The following IGSF3 variants were observed in gnomAD, a reference collection of about 807,000 sequenced individuals.
IGSF3 encodes the protein glu-Trp-Ile EWI motif-containing protein 3.
In IGSF3, 23 loss-of-function variants were observed where a neutral mutation model predicts 114.4. The ratio of observed to expected loss-of-function variants is 0.20; its 90% CI spans 0.14 to 0.28. IGSF3 has a LOEUF of 0.28. Ranked by LOEUF, IGSF3 falls within the 10% of genes least tolerant of loss-of-function variation. IGSF3 has a pLI of 1.00. For missense variants in IGSF3, 1,172 were observed against 1,591.5 expected (o/e 0.74, Z 4.48); for synonymous variants, 571 against 645.2 (o/e 0.88, Z 1.74).
chr1:116,599,844 G>C, intron 7 of IGSF3, 97 bp downstream of exon 7: 1 of 1,061,824 alleles, frequency 9.4e-7, no homozygotes, highest in South Asian at 1.6e-5. Context: ...GCTGGGAAAG[G>C]GGGAAGTGAC....
Position 116,579,967 on chromosome 1 carries a change from G to A in IGSF3, c.2849-90C>T. ...AATGTCCATCATTAAACACATGATA[G>A]TAACATCCATACTATAAGATATTAT... is the stretch of plus-strand genomic sequence containing the variant. On this transcript the variant is annotated intron_variant, in intron 9 of 10. Transcript: ENST00000369486. This position sits in a 1 kb window ranked among gnomAD's most constrained non-coding sequence, Gnocchi z 6.4. 1.8e-6 allele frequency: 2 copies of A among 1,138,250 alleles called. No homozygotes were observed. The highest frequency in any genetic ancestry group is 5.1e-5 in the East Asian group (2 of 39,574). The allele number at this position is 1,138,250 out of a possible 1,614,324, so 70.5% of individuals were successfully genotyped here. A position where few individuals can be genotyped will look rare whatever the true frequency, so the allele number is the denominator to read the frequency against.
At chr1:116,606,874 A>T (rs1336326602) in intron 5 of IGSF3, among the ~76,000 whole-genome samples, 6 of 152,238 alleles carry the variant, frequency 3.9e-5, no homozygotes, top group Non-Finnish European at 8.8e-5. Flanking sequence ...GAATTTCAAG[A>T]TAATTAGGTA....
At chr1:116,608,405 A>C in intron 4 of IGSF3, 74 bp from the exon 5 acceptor site, 1 of 979,582 alleles carries the variant, frequency 1.0e-6, no homozygotes, top group Non-Finnish European at 1.5e-6. Flanking sequence ...ACATTAGCAC[A>C]TTCCCACTAT....
At position 116,613,761 on chromosome 1, in the gene IGSF3, T is replaced by C; in HGVS notation, c.832+4A>G. The C allele has an allele frequency of 1.2e-6, 2 of 1,612,238 alleles. No homozygotes were observed. Among genetic ancestry groups the C allele is most frequent in the Non-Finnish European group, 1.7e-6 (2 of 1,178,410 alleles). ...GACAGGACAAGAGGCTCAGAGGGAC[T>C]GACCAGTTGGCTGGACGTTGACCAC... is the stretch of plus-strand genomic sequence containing the variant. On this transcript the variant is annotated splice_donor_region_variant and intron_variant, in intron 4 of 10. Coordinates refer to ENST00000369486, the MANE Select transcript of IGSF3 (RefSeq NM_001007237.3).
At position 116,659,181 on chromosome 1, in the gene IGSF3, C is replaced by T. The variant is rs370741973; in HGVS notation, c.43+7103G>A. Reference sequence around the variant, plus strand: ...TATAATTATAGATGCGGAAGACATACAGACTGGGCTGACGACTGCTTGGAA... The same window carrying T: ...TATAATTATAGATGCGGAAGACATATAGACTGGGCTGACGACTGCTTGGAA... On this transcript the variant is annotated intron_variant, in intron 2 of 10. Coordinates refer to ENST00000369486, the MANE Select transcript of IGSF3 (RefSeq NM_001007237.3). Among the ~76,000 whole-genome samples, 729 of 152,196 alleles carry T rather than the reference C, an allele frequency of 4.8e-3. 14 individuals are homozygous for T. The highest frequency in any genetic ancestry group is 2.8e-3 in the Non-Finnish European group (193 of 68,010).
Position 116,638,247 on chromosome 1 carries a change from C to G in IGSF3, c.44-21790G>C, listed in dbSNP as rs1192769858. Among the ~76,000 whole-genome samples, 1 of 152,202 alleles carries G rather than the reference C, an allele frequency of 6.6e-6. No individual in the cohort carries two copies. Among genetic ancestry groups the G allele is most frequent in the Non-Finnish European group, 1.5e-5 (1 of 68,042 alleles). On this transcript the variant is annotated intron_variant, in intron 2 of 10. Transcript: ENST00000369486. This position sits in a 1 kb window ranked among gnomAD's most constrained non-coding sequence, Gnocchi z 4.1. ...GCCAGGGACTCCTGCTCCTCTCTCC[C>G]TAGTCTCTCCTGTGTCACTGCCACT...
intron 2 of IGSF3, among the ~76,000 whole-genome samples, chr1:116,659,644 G>A (rs561852242): frequency 6.6e-6 from 1 of 151,960 alleles, no homozygotes; most frequent in Non-Finnish European, 1.5e-5. Flanking sequence ...GTGTGTGTGA[G>A]ATGGGGGCCA....
At chr1:116,626,290 A>C (rs1246663577) in intron 2 of IGSF3, among the ~76,000 whole-genome samples, 3 of 152,044 alleles carry the variant, frequency 2.0e-5, no homozygotes, top group African/African-American at 7.2e-5. Context: ...ATATGTAACC[A>C]CTGAAAAATA....
Position 116,662,002 on chromosome 1 carries a change from A to G in IGSF3, c.43+4282T>C, listed in dbSNP as rs1649138063. Among the ~76,000 whole-genome samples the G allele has an allele frequency of 6.6e-6, 1 of 151,946 alleles. No homozygotes were observed. The highest frequency in any genetic ancestry group is 1.5e-5 in the Non-Finnish European group (1 of 68,016). ...CCATGAAGTCATCTTGGGAATAGAG[A>G]GCATGCACATGGAGCAAGACAGCAG... On this transcript the variant is annotated intron_variant, in intron 2 of 10. Coordinates refer to ENST00000369486, the MANE Select transcript of IGSF3 (RefSeq NM_001007237.3). This position sits in a 1 kb window ranked among gnomAD's most constrained non-coding sequence, Gnocchi z 4.3.
chr1:116,658,574 C>A (rs983832036), intron 2 of IGSF3, among the ~76,000 whole-genome samples: 6 of 152,122 alleles, frequency 3.9e-5, no homozygotes, highest in African/African-American at 1.4e-4. Context: ...AAATCTACAC[C>A]CTTAGGGTTC....
intron 2 of IGSF3, among the ~76,000 whole-genome samples, chr1:116,641,114 A>G (rs1425918489): frequency 2.6e-5 from 4 of 152,314 alleles, no homozygotes; most frequent in South Asian, 4.1e-4. Context: ...ACATGAGCTG[A>G]TAATTGTTGG....
In IGSF3 at chr1:116,589,671, C is replaced by T. The variant is rs537980013; in HGVS notation, c.2030-567G>A. Among the ~76,000 whole-genome samples, 9 of 152,228 alleles carry T rather than the reference C, an allele frequency of 5.9e-5. No individual in the cohort carries two copies. Among genetic ancestry groups the T allele is most frequent in the East Asian group, 1.9e-4 (1 of 5,160 alleles). On this transcript the variant is annotated intron_variant, in intron 7 of 10. Transcript: ENST00000369486. The surrounding 1 kb of genome is among the most constrained non-coding windows in gnomAD (Gnocchi z 5.7). The stretch of plus-strand genomic sequence containing the variant: ...CTTCTCTCCACTTATCCCTCATTCC[C>T]GTCCCCCTGGGCTCCATACCCTTCC...
intron 5 of IGSF3, among the ~76,000 whole-genome samples, 168 bp from the exon 6 acceptor site, chr1:116,604,193 G>A (rs1386916452): frequency 6.6e-6 from 1 of 152,154 alleles, no homozygotes; most frequent in African/African-American, 2.4e-5. Flanking sequence ...GGCTGGTTCT[G>A]GGCTTTGCTC....
In IGSF3 at chr1:116,642,524, G is replaced by A. The variant is rs1313965055; in HGVS notation, c.43+23760C>T. The stretch of plus-strand genomic sequence containing the variant: ...TGAAAGAAACAAACAGTGGGACTCG[G>A]GCCAGAGCAAAATTTGGCCTAGAAC... On this transcript the variant is annotated intron_variant, in intron 2 of 10. Transcript: ENST00000369486. This position sits in a 1 kb window ranked among gnomAD's most constrained non-coding sequence, Gnocchi z 5.4. Among the ~76,000 whole-genome samples, 2 of 152,160 alleles carry A rather than the reference G, an allele frequency of 1.3e-5. No homozygotes were observed. Among genetic ancestry groups the A allele is most frequent in the Non-Finnish European group, 2.9e-5 (2 of 68,044 alleles).
In IGSF3 at chr1:116,577,171, T is replaced by C; in HGVS notation, c.*141A>G. On this transcript the variant is annotated 3_prime_UTR_variant, in exon 11 of 11. Transcript: ENST00000369486. This position sits in a 1 kb window ranked among gnomAD's most constrained non-coding sequence, Gnocchi z 5.7. ...GAGGCAGTCTGTCTCTGTGACTGAC[T>C]GGGAACTTGGAACACTTTTCAAGTC... The C allele has an allele frequency of 1.1e-6, 1 of 900,228 alleles. No individual in the cohort carries two copies. The highest frequency in any genetic ancestry group is 1.6e-6 in the Non-Finnish European group (1 of 606,142). 55.8% of individuals were successfully genotyped at this position (900,228 alleles called of 1,614,324 possible).
rs56982445 is a variant in IGSF3 at position 116,579,666 on chromosome 1, G to GTCCTCC, written c.3054_3059dup (p.Glu1018_Glu1019dup). ...CTGTTGGGTCGTCGTCGTCGTCGTC[G>GTCCTCC]TCCTCCTCCTCCTCCTCCTCCCTTT... On this transcript the variant is annotated inframe_insertion, in exon 10 of 11. Transcript: ENST00000369486. The surrounding 1 kb of genome is among the most constrained non-coding windows in gnomAD (Gnocchi z 6.4). 859 of 1,594,472 alleles carry GTCCTCC rather than the reference G, an allele frequency of 5.4e-4. No individual in the cohort carries two copies. The highest frequency in any genetic ancestry group is 2.5e-3 in the Middle Eastern group (15 of 6,028).
chr1:116,640,037 C>CAAAAAAAAAAA (rs34003833), intron 2 of IGSF3, among the ~76,000 whole-genome samples: 6 of 65,280 alleles, frequency 9.2e-5, no homozygotes, highest in Admixed American at 3.7e-4. Context: ...GACTCTATCT[C>CAAAAAAAAAAA]AAAAAAAAAA....
chr1:116,617,336 T>A, intron 2 of IGSF3: 1 of 985,376 alleles, frequency 1.0e-6, no homozygotes, highest in Non-Finnish European at 1.2e-6. Context: ...TCACGCCAAC[T>A]CAACACTGAT....
Position 116,634,834 on chromosome 1 carries a change from A to T in IGSF3, c.44-18377T>A, listed in dbSNP as rs976355546. On this transcript the variant is annotated intron_variant, in intron 2 of 10. Coordinates refer to ENST00000369486, the MANE Select transcript of IGSF3 (RefSeq NM_001007237.3). The surrounding 1 kb of genome is among the most constrained non-coding windows in gnomAD (Gnocchi z 4.2). The stretch of plus-strand genomic sequence containing the variant: ...CGCAGCTTCTGCCAGCTCTCCTGGG[A>T]CACACATTTGGAGCCTGAGTTGCGG... 3.9e-5 allele frequency among the ~76,000 whole-genome samples: 6 copies of T among 152,088 alleles called. No homozygotes were observed. Among genetic ancestry groups the T allele is most frequent in the Non-Finnish European group, 7.4e-5 (5 of 68,012 alleles).
Sources: allele counts gnomAD v4.1 joint callset (sites outside exome capture counted in the v4.1 genomes callset), GRCh38; gene constraint gnomAD v4.1.1; non-coding constraint Gnocchi (gnomAD v3.1); transcripts MANE v1.5; gene names NCBI Gene and HGNC (gene_info 2026-07-23, HGNC 2026-07-21).